ACTG2: variants seen among roughly 807,000 people sequenced by gnomAD.
ACTG2 encodes actin, gamma-enteric smooth muscle.
A neutral mutation model predicts 37.6 loss-of-function variants in ACTG2; 16 were observed. The observed-to-expected ratio is 0.43, with a 90% CI of 0.29 to 0.65. The LOEUF (loss-of-function observed/expected upper bound fraction) is 0.65, where lower values mean the gene tolerates loss of function less well. Among genes scored for constraint, ACTG2 ranks in the 30% least tolerant of loss-of-function variants. ACTG2 has a pLI of 0.18. For missense variants in ACTG2, 238 were observed against 490.9 expected (o/e 0.48, Z 4.87); for synonymous variants, 181 against 179.9 (o/e 1.01, Z -0.05).
At position 73,913,639 on chromosome 2, in the gene ACTG2, G is replaced by T. The variant is rs1264123128; in HGVS notation, c.606G>T (p.Val202=). 6.2e-7 allele frequency: 1 copy of T among 1,609,870 alleles called. No individual in the cohort carries two copies. The highest frequency in any genetic ancestry group is 2.2e-5 in the East Asian group (1 of 44,778). The change falls in exon 6 of 9, where the codon GTG becomes GTT. Residue 202 remains valine (V), a synonymous_variant. Coordinates refer to ENST00000345517, the MANE Select transcript of ACTG2 (RefSeq NM_001615.4). Reference sequence around the variant, plus strand: ...TCACAGAGAGAGGCTATTCCTTTGTGACCACAGGTATCCAGCCCCTTTTCT... The same window carrying T: ...TCACAGAGAGAGGCTATTCCTTTGTTACCACAGGTATCCAGCCCCTTTTCT... ...KILTERGYSF[V]TTAEREIVRD...
chr2:73,901,512 C>A, intron 2 of ACTG2, 75 bp downstream of exon 2: 2 of 1,387,696 alleles, frequency 1.4e-6, no homozygotes. Flanking sequence ...CCCTGCTGAG[C>A]TGGGGGTTAG....
chr2:73,913,713 C>T, intron 6 of ACTG2, 67 bp downstream of exon 6: 1 of 1,383,836 alleles, frequency 7.2e-7, no homozygotes, highest in Non-Finnish European at 1.0e-6. Context: ...AAGAAGTTCT[C>T]AGGACCAATG....
chr2:73,908,817 A>C (rs1680069546), intron 4 of ACTG2, 34 bp downstream of exon 4: 1 of 1,531,060 alleles, frequency 6.5e-7, no homozygotes, highest in Non-Finnish European at 9.0e-7. Context: ...CACTGGCATA[A>C]GAATGCAACA....
At chr2:73,916,561 C>G (rs1157418402) in intron 7 of ACTG2, 23 bp from the exon 8 acceptor site, 8 of 1,601,172 alleles carry the variant, frequency 5.0e-6, no homozygotes. Context: ...TGCCTGTTGA[C>G]CAGACACTGT....
intron 3 of ACTG2, among the ~76,000 whole-genome samples, chr2:73,903,777 T>A (rs1311323791): frequency 6.6e-6 from 1 of 151,622 alleles, no homozygotes; most frequent in Non-Finnish European, 1.5e-5. Flanking sequence ...CCGTCTCTAC[T>A]AAAAATACAA....
chr2:73,899,292 T>C (rs1331485912), intron 1 of ACTG2, among the ~76,000 whole-genome samples: 5 of 152,004 alleles, frequency 3.3e-5, no homozygotes, highest in Admixed American at 6.6e-5. Context: ...GGAGACTCTG[T>C]TTCTACAGAA....
In ACTG2 at chr2:73,919,658, T is replaced by A; in HGVS notation, c.*83T>A. 1 of 1,484,966 alleles carries A rather than the reference T, an allele frequency of 6.7e-7. No homozygotes were observed. The highest frequency in any genetic ancestry group is 9.1e-7 in the Non-Finnish European group (1 of 1,095,898). The allele number at this position is 1,484,966 out of a possible 1,614,324, so 92.0% of individuals were successfully genotyped here. ...CATTAAAACCTACAAGCCTTACTTC[T>A]CTGTGTGGGGCTCTTTTTTCCTGGG... On this transcript the variant is annotated 3_prime_UTR_variant, in exon 9 of 9. Transcript: ENST00000345517.
intron 6 of ACTG2, among the ~76,000 whole-genome samples, chr2:73,914,284 G>T (rs1346846175): frequency 6.6e-6 from 1 of 152,114 alleles, no homozygotes; most frequent in Non-Finnish European, 1.5e-5. Flanking sequence ...GTGAGGCCAG[G>T]CGTGGTGGCT....
chr2:73,915,072 C>A (rs1397553097), intron 7 of ACTG2, among the ~76,000 whole-genome samples: 1 of 151,964 alleles, frequency 6.6e-6, no homozygotes, highest in Non-Finnish European at 1.5e-5. Context: ...GAAAGGAAAT[C>A]AAGATACAGG....
In ACTG2 at chr2:73,904,739, TTGTG is replaced by T. The variant is rs370499600; in HGVS notation, c.255+2287_255+2290del. Among the ~76,000 whole-genome samples the T allele has an allele frequency of 4.4e-3, 452 of 103,710 alleles. 4 individuals carry two copies. Among genetic ancestry groups the T allele is most frequent in the South Asian group, 0.012 (32 of 2,782 alleles). The allele number at this position is 103,710 out of a possible 152,430, so 68.0% of individuals were successfully genotyped here. On this transcript the variant is annotated intron_variant, in intron 3 of 8. Transcript: ENST00000345517. ...CATTTCATTATATATCTATAAATCATTGTGTGTGTGTGTGTGTGTGTGTGTGTGT... is the reference window on the plus strand; with the variant it reads ...CATTTCATTATATATCTATAAATCATTGTGTGTGTGTGTGTGTGTGTGTGT...
intron 3 of ACTG2, among the ~76,000 whole-genome samples, chr2:73,904,440 G>C (rs1461900766): frequency 6.6e-6 from 1 of 151,872 alleles, no homozygotes; most frequent in Non-Finnish European, 1.5e-5. Context: ...GGGAGGCTGA[G>C]GCAGGTGGAT....
Position 73,901,332 on chromosome 2 carries a change from C to T in ACTG2, c.21C>T (p.Thr7=), listed in dbSNP as rs750129394. Residue 7 remains threonine (T), a synonymous_variant, in exon 2 of 9, where the codon ACC becomes ACT. Transcript: ENST00000345517. ...ACACCATGTGTGAAGAGGAGACCAC[C>T]GCGCTCGTGTGTGACAATGGCTCTG... is the stretch of plus-strand genomic sequence containing the variant. MCEEET[T]ALVCDNGSGL... 21 of 1,610,694 alleles carry T rather than the reference C, an allele frequency of 1.3e-5. No homozygotes were observed. The highest frequency in any genetic ancestry group is 9.4e-5 in the African/African-American group (7 of 74,856).
At chr2:73,902,568 C>A (rs1679915872) in intron 3 of ACTG2, 80 bp downstream of exon 3, 1 of 1,584,206 alleles carries the variant, frequency 6.3e-7, no homozygotes, top group African/African-American at 1.3e-5. Context: ...GGCCACTGTG[C>A]TCTGTCAACT....
intron 7 of ACTG2, among the ~76,000 whole-genome samples, chr2:73,915,973 G>A (rs1401247692): frequency 6.6e-6 from 1 of 152,136 alleles, no homozygotes; most frequent in Non-Finnish European, 1.5e-5. Flanking sequence ...TTTTGGTGAT[G>A]TTTGCTTCTG....
At chr2:73,901,610 G>C (rs560021348) in intron 2 of ACTG2, 173 bp downstream of exon 2, 2 of 1,037,324 alleles carry the variant, frequency 1.9e-6, no homozygotes, top group South Asian at 1.8e-5. Context: ...GTGTGTCTGT[G>C]CATGCACATG....
intron 1 of ACTG2, among the ~76,000 whole-genome samples, chr2:73,894,955 G>A (rs938325744): frequency 5.3e-5 from 8 of 152,216 alleles, no homozygotes; most frequent in East Asian, 1.9e-4. Context: ...GCAGCTGTGA[G>A]GAGAGTGGAC....
chr2:73,913,708 G>T, intron 6 of ACTG2, 62 bp downstream of exon 6: 1 of 1,424,170 alleles, frequency 7.0e-7, no homozygotes, highest in South Asian at 1.3e-5. Context: ...AGGACAAGAA[G>T]TTCTCAGGAC....
chr2:73,898,802 CTTTTTTT>C (rs1165118275), intron 1 of ACTG2, among the ~76,000 whole-genome samples: 19 of 93,048 alleles, frequency 2.0e-4, no homozygotes, highest in African/African-American at 6.5e-4. Flanking sequence ...TTTTTTTTTT[CTTTTTTT>C]TTTTTTTTTT....
chr2:73,912,332 A>G (rs1054592659), intron 5 of ACTG2, among the ~76,000 whole-genome samples: 1 of 152,210 alleles, frequency 6.6e-6, no homozygotes, highest in South Asian at 2.1e-4. Context: ...TAATTTTTGT[A>G]TTTTTAGTAG....
Sources: gnomAD v4.1 joint callset for allele counts (sites outside exome capture counted in the v4.1 genomes callset) on GRCh38, gnomAD v4.1.1 for gene constraint, MANE v1.5 for transcripts, NCBI Gene and HGNC (gene_info 2026-07-23, HGNC 2026-07-21) for gene names.